FER: variants seen among roughly 807,000 people sequenced by gnomAD.
FER encodes the protein tyrosine-protein kinase Fer.
In FER, 63 loss-of-function variants were observed where a neutral mutation model predicts 111.0. The ratio of observed to expected loss-of-function variants is 0.57; its 90% CI spans 0.46 to 0.70. The LOEUF is 0.70. FER is among the 30% of genes least tolerant of loss of function. FER has a pLI of 0.00. For synonymous variants in FER, 327 were observed against 313.9 expected (o/e 1.04, Z -0.44); for missense variants, 914 against 954.0 (o/e 0.96, Z 0.55).
At chr5:108,963,913 C>T (rs1331676464) in intron 13 of FER, among the ~76,000 whole-genome samples, 1 of 152,088 alleles carries the variant, frequency 6.6e-6, no homozygotes, top group Non-Finnish European at 1.5e-5. Context: ...CTTGCCTTTT[C>T]CAATATTACT....
At chr5:109,057,137 C>G (rs1424365313) in intron 16 of FER, among the ~76,000 whole-genome samples, 1 of 152,174 alleles carries the variant, frequency 6.6e-6, no homozygotes, top group Non-Finnish European at 1.5e-5. Flanking sequence ...GCATATGGGA[C>G]TCTTCATCTT....
chr5:108,887,278 A>C (rs1747314884), intron 9 of FER, among the ~76,000 whole-genome samples: 1 of 151,758 alleles, frequency 6.6e-6, no homozygotes, highest in South Asian at 2.1e-4. Context: ...GACTAAAACC[A>C]CATTTTTATA....
In FER at chr5:108,832,862, C is replaced by T. The variant is rs747728343; in HGVS notation, c.300C>T (p.Leu100=). The T allele has an allele frequency of 1.2e-4, 199 of 1,608,452 alleles. No homozygotes were observed. Among genetic ancestry groups the T allele is most frequent in the Non-Finnish European group, 1.6e-4 (194 of 1,176,954 alleles). ...TGAACTCTGGACCTTTACACAGGCT[C>T]ACCATGATGATTAAGGACAAGCAGC... ...EDLNSGPLHR[L]TMMIKDKQQV... The change falls in exon 4 of 20, where the codon CTC becomes CTT. Residue 100 remains leucine (L), a synonymous_variant. Transcript: ENST00000281092.
At chr5:108,885,661 T>C (rs781227118) in intron 9 of FER, among the ~76,000 whole-genome samples, 1 of 151,780 alleles carries the variant, frequency 6.6e-6, no homozygotes, top group Non-Finnish European at 1.5e-5. Flanking sequence ...CTAATCCCAT[T>C]GATAAGGGCT....
intron 2 of FER, among the ~76,000 whole-genome samples, chr5:108,778,945 A>G (rs1458818394): frequency 2.0e-5 from 3 of 151,488 alleles, no homozygotes; most frequent in African/African-American, 7.3e-5. Context: ...TTTGCATTTT[A>G]CATTTTGGCC....
chr5:108,835,246 A>G (rs80130770), intron 4 of FER, among the ~76,000 whole-genome samples: 3,122 of 113,894 alleles, frequency 0.027, 134 homozygotes, highest in African/African-American at 0.1. Flanking sequence ...CAGTGGTGTG[A>G]TCTTGGCTCA....
chr5:109,053,649 G>A (rs1773171936), intron 16 of FER, among the ~76,000 whole-genome samples: 1 of 149,940 alleles, frequency 6.7e-6, no homozygotes, highest in Admixed American at 6.6e-5. Context: ...ATATTGTAAT[G>A]TGTATCAATA....
chr5:109,037,769 A>G (rs1229592622), intron 14 of FER, among the ~76,000 whole-genome samples: 10 of 152,040 alleles, frequency 6.6e-5, no homozygotes, highest in Admixed American at 6.6e-4. Context: ...TAAAGTCAAA[A>G]CTAGTGAACT....
chr5:108,957,195 T>C (rs1758540097), intron 12 of FER, among the ~76,000 whole-genome samples: 1 of 151,526 alleles, frequency 6.6e-6, no homozygotes. Context: ...GACGTGAAAT[T>C]AAATAAACCA....
intron 13 of FER, among the ~76,000 whole-genome samples, chr5:109,023,952 A>T (rs1440385590): frequency 6.6e-6 from 1 of 152,150 alleles, no homozygotes; most frequent in African/African-American, 2.4e-5. Context: ...AGCACTTATT[A>T]TATGTTAGGC....
chr5:109,187,456 C>A lies in FER; in HGVS notation c.2350C>A (p.His784Asn). ...ERGYRMSAPQHCPEDISKIMM... is the reference protein window; with the variant it reads ...ERGYRMSAPQNCPEDISKIMM... ...AGGATACCGGATGTCAGCTCCCCAG[C>A]ACTGTCCAGAGGATATTTCCAAAAT... Residue 784 changes from histidine (H) to asparagine (N), a missense_variant, in exon 20 of 20, where the codon CAC (histidine) becomes AAC (asparagine). By Grantham distance (68) the His-to-Asn change is moderately conservative (BLOSUM62 1). Coordinates refer to ENST00000281092, the MANE Select transcript of FER (RefSeq NM_005246.4). The A allele has an allele frequency of 6.2e-7, 1 of 1,614,072 alleles. No individual in the cohort carries two copies. The highest frequency in any genetic ancestry group is 8.5e-7 in the Non-Finnish European group (1 of 1,179,974).
intron 8 of FER, among the ~76,000 whole-genome samples, chr5:108,873,208 G>A (rs1764768229): frequency 6.6e-6 from 1 of 151,920 alleles, no homozygotes; most frequent in Non-Finnish European, 1.5e-5. Flanking sequence ...GCAGTGGTGC[G>A]ATCTCGGCTC....
At chr5:108,840,912 C>G (rs1761196974) in intron 5 of FER, among the ~76,000 whole-genome samples, 1 of 152,138 alleles carries the variant, frequency 6.6e-6, no homozygotes, top group Non-Finnish European at 1.5e-5. Context: ...AACCTATCCC[C>G]CAACAACCTT....
chr5:109,041,037 A>C (rs1430885323), intron 14 of FER, among the ~76,000 whole-genome samples: 1 of 152,136 alleles, frequency 6.6e-6, no homozygotes, highest in Non-Finnish European at 1.5e-5. Context: ...GGGAGATTTG[A>C]GAAGAGAATA....
chr5:108,995,789 G>A (rs545425491), intron 13 of FER, among the ~76,000 whole-genome samples: 1 of 152,254 alleles, frequency 6.6e-6, no homozygotes, highest in Admixed American at 6.5e-5. Context: ...GCCAGTAATG[G>A]GATTGCTGGG....
intron 3 of FER, among the ~76,000 whole-genome samples, chr5:108,819,643 G>A (rs368590186): frequency 6.6e-6 from 1 of 152,162 alleles, no homozygotes; most frequent in East Asian, 1.9e-4. Context: ...GGCAGAGAGC[G>A]TCTCTCTCAT....
rs777332921 is a variant in FER, at chr5:108,798,160, G to C, written c.-23G>C. ...TTAGAAGGCTCACTTGTGCAGTGTG[G>C]AGGATAACCAGTGCCTTACAAAATG... On this transcript the variant is annotated 5_prime_UTR_variant, in exon 3 of 20. Transcript: ENST00000281092. 22 of 1,595,694 alleles carry C rather than the reference G, an allele frequency of 1.4e-5. No homozygotes were observed. The highest frequency in any genetic ancestry group is 1.9e-5 in the Non-Finnish European group (22 of 1,163,670).
intron 10 of FER, among the ~76,000 whole-genome samples, chr5:108,915,312 A>C (rs1752122173): frequency 6.6e-6 from 1 of 152,134 alleles, no homozygotes; most frequent in Non-Finnish European, 1.5e-5. Context: ...GTCTCTACTA[A>C]AAATACAAAA....
At chr5:109,062,193 G>A (rs1041194248) in intron 16 of FER, among the ~76,000 whole-genome samples, 46 of 152,094 alleles carry the variant, frequency 3.0e-4, no homozygotes, top group Non-Finnish European at 1.2e-4. Context: ...ATTAAGAGAG[G>A]ACTTTTAAAA....
Sources: gnomAD v4.1 joint callset for allele counts (sites outside exome capture counted in the v4.1 genomes callset) on GRCh38, gnomAD v4.1.1 for gene constraint, MANE v1.5 for transcripts, NCBI Gene and HGNC (gene_info 2026-07-23, HGNC 2026-07-21) for gene names.